SYNE1: variants seen among roughly 807,000 people sequenced by gnomAD.
SYNE1 encodes nesprin-1.
Under a neutral mutation model 1,111.0 loss-of-function variants are expected in SYNE1, and 616 were observed. The observed-to-expected ratio is 0.55, with a 90% CI of 0.52 to 0.59. The LOEUF is 0.59. Ranked by LOEUF, SYNE1 falls within the 20% of genes least tolerant of loss-of-function variation. The pLI is 0.00. For missense variants in SYNE1, 10,006 were observed against 10,417.0 expected (o/e 0.96, Z 1.72); for synonymous variants, 3,855 against 3,825.8 (o/e 1.01, Z -0.28).
intron 14 of SYNE1, among the ~76,000 whole-genome samples, chr6:152,474,138 T>A (rs1593430501): frequency 6.6e-6 from 1 of 151,466 alleles, no homozygotes; most frequent in African/African-American, 2.4e-5. Context: ...TGAGGGAAGA[T>A]CACACCATTG....
chr6:152,219,934 G>A (rs1293976811), intron 119 of SYNE1, among the ~76,000 whole-genome samples: 1 of 152,228 alleles, frequency 6.6e-6, no homozygotes, highest in Non-Finnish European at 1.5e-5. Flanking sequence ...ACTCAGTCAT[G>A]TTATGCCTAG....
chr6:152,129,892 G>A (rs575854213), intron 145 of SYNE1, among the ~76,000 whole-genome samples: 2 of 152,326 alleles, frequency 1.3e-5, no homozygotes, highest in African/African-American at 4.8e-5. Context: ...AGGCTCCGAG[G>A]ACAGTGTTTT....
chr6:152,268,863 G>A (rs1293392832), intron 99 of SYNE1, among the ~76,000 whole-genome samples: 4 of 151,960 alleles, frequency 2.6e-5, no homozygotes, highest in Admixed American at 6.6e-5. Context: ...AGATTCAGAG[G>A]GCAAATCTGA....
At chr6:152,306,556 T>C (rs2095385336) in intron 91 of SYNE1, among the ~76,000 whole-genome samples, 2 of 150,810 alleles carry the variant, frequency 1.3e-5, no homozygotes, top group Admixed American at 1.3e-4. Flanking sequence ...AAAAAAGTGA[T>C]GTAAAATTTT....
chr6:152,350,459 A>G (rs2096721632), intron 71 of SYNE1, 124 bp from the exon 72 acceptor site: 2 of 1,491,778 alleles, frequency 1.3e-6, no homozygotes, highest in African/African-American at 1.4e-5. Context: ...ACTACCAGGA[A>G]TGGAAAACAA....
At chr6:152,478,095 T>C (rs1433589298) in intron 14 of SYNE1, among the ~76,000 whole-genome samples, 1 of 152,160 alleles carries the variant, frequency 6.6e-6, no homozygotes, top group Non-Finnish European at 1.5e-5. Context: ...AAGGGACAAC[T>C]ATGTGAAATG....
intron 11 of SYNE1, among the ~76,000 whole-genome samples, chr6:152,496,619 C>G (rs2099000783): frequency 6.6e-6 from 1 of 152,158 alleles, no homozygotes; most frequent in Admixed American, 6.5e-5. Context: ...TTTAATCTCT[C>G]CCACTCTAGG....
chr6:152,318,718 GTTACAAAA>G, intron 85 of SYNE1, 137 bp downstream of exon 85: 1 of 818,678 alleles, frequency 1.2e-6, no homozygotes, highest in Non-Finnish European at 1.9e-6. Context: ...TGTTGCTTCA[GTTACAAAA>G]TTTCTTTACC....
chr6:152,396,284 A>G (rs2097730130), intron 50 of SYNE1, among the ~76,000 whole-genome samples: 1 of 152,232 alleles, frequency 6.6e-6, no homozygotes, highest in South Asian at 2.1e-4. Flanking sequence ...TTATTCTGCC[A>G]TCAGAAAGAC....
At chr6:152,549,404 T>C (rs979412625) in intron 3 of SYNE1, among the ~76,000 whole-genome samples, 31 of 152,200 alleles carry the variant, frequency 2.0e-4, no homozygotes, top group African/African-American at 7.2e-4. Context: ...GAGTAGTTTG[T>C]TACACAGCAA....
At chr6:152,584,497 G>A (rs2099530977) in intron 3 of SYNE1, among the ~76,000 whole-genome samples, 1 of 152,148 alleles carries the variant, frequency 6.6e-6, no homozygotes, top group Non-Finnish European at 1.5e-5. Flanking sequence ...AGGCTGGACT[G>A]CAATGGCGCT....
rs1043716060 is a variant in SYNE1 at position 152,628,126 on chromosome 6, G to A, written c.67+139C>T. On this transcript the variant is annotated intron_variant, in intron 3 of 145. Coordinates refer to ENST00000367255, the MANE Select transcript of SYNE1 (RefSeq NM_182961.4). ...ATCTGAAGACAGCATGGCCCTGTTTGAAAACACTGGAATAAAGACATCCAT... is the reference window on the plus strand; with the variant it reads ...ATCTGAAGACAGCATGGCCCTGTTTAAAAACACTGGAATAAAGACATCCAT... 7 of 846,230 alleles carry A rather than the reference G, an allele frequency of 8.3e-6. No individual in the cohort carries two copies. The African/African-American group carries it at 1.0e-4, about 12-fold the overall frequency. The allele number at this position is 846,230 out of a possible 1,614,324, so 52.4% of individuals were successfully genotyped here. A position where few individuals can be genotyped will look rare whatever the true frequency, so the allele number is the denominator to read the frequency against.
At chr6:152,622,932 C>A (rs1353440083) in intron 3 of SYNE1, among the ~76,000 whole-genome samples, 1 of 152,084 alleles carries the variant, frequency 6.6e-6, no homozygotes, top group Non-Finnish European at 1.5e-5. Flanking sequence ...ATATCAGTTA[C>A]TTTTTTTACT....
intron 71 of SYNE1, 90 bp downstream of exon 71, chr6:152,350,528 A>G (rs1423910912): frequency 6.4e-7 from 1 of 1,564,030 alleles, no homozygotes; most frequent in African/African-American, 1.4e-5. Context: ...AACCCGTACC[A>G]GGCCTTAAAA....
chr6:152,563,024 C>T (rs1483241233), intron 3 of SYNE1, among the ~76,000 whole-genome samples: 1 of 151,350 alleles, frequency 6.6e-6, no homozygotes, highest in Non-Finnish European at 1.5e-5. Context: ...CGAAGTATTT[C>T]AACTCAAATT....
At chr6:152,369,357 T>C in intron 60 of SYNE1, 114 bp downstream of exon 60, 3 of 1,511,992 alleles carry the variant, frequency 2.0e-6, no homozygotes, top group Non-Finnish European at 2.7e-6. Context: ...AAAAACACAC[T>C]ATGTCTCACG....
chr6:152,373,365 C>T (rs766219385), intron 58 of SYNE1, 146 bp from the exon 59 acceptor site: 24 of 715,676 alleles, frequency 3.4e-5, no homozygotes, highest in Non-Finnish European at 4.9e-5. Flanking sequence ...CTGCAGCCTC[C>T]GTCTTCTGCG....
intron 128 of SYNE1, among the ~76,000 whole-genome samples, chr6:152,184,879 G>C (rs1019665614): frequency 6.6e-6 from 1 of 152,028 alleles, no homozygotes; most frequent in African/African-American, 2.4e-5. Context: ...TATATACTAA[G>C]TAAACATTAC....
chr6:152,232,090 A>C lies in SYNE1; in HGVS notation c.20862+26T>G, dbSNP rs766434409. On this transcript the variant is annotated intron_variant, in intron 113 of 145. Coordinates refer to ENST00000367255, the MANE Select transcript of SYNE1 (RefSeq NM_182961.4). The stretch of plus-strand genomic sequence containing the variant: ...AATAAAATGGTCTGAAAATATGAAA[A>C]GTTAAAAACAAAAAATTTTAATTAC... 4.0e-6 allele frequency: 6 copies of C among 1,507,474 alleles called. No homozygotes were observed. In the East Asian group the frequency reaches 1.4e-4, roughly 34 times the overall value. The allele number at this position is 1,507,474 out of a possible 1,614,324, so 93.4% of individuals were successfully genotyped here. A position where few individuals can be genotyped will look rare whatever the true frequency, so the allele number is the denominator to read the frequency against.
Sources: allele counts gnomAD v4.1 joint callset (sites outside exome capture counted in the v4.1 genomes callset), GRCh38; gene constraint gnomAD v4.1.1; transcripts MANE v1.5; gene names NCBI Gene and HGNC (gene_info 2026-07-23, HGNC 2026-07-21).